The following CUL1 variants were observed in gnomAD, a reference collection of about 807,000 sequenced individuals.
CUL1 encodes the protein cullin-1.
In CUL1, 24 loss-of-function variants were observed where a neutral mutation model predicts 118.0. That is an observed-to-expected ratio of 0.20 (90% CI 0.15 to 0.29). CUL1 has a LOEUF of 0.29. Among genes scored for constraint, CUL1 ranks in the 10% least tolerant of loss-of-function variants. The pLI is 1.00. For missense variants in CUL1, 361 were observed against 933.8 expected (o/e 0.39, Z 7.99); for synonymous variants, 332 against 340.4 (o/e 0.98, Z 0.27).
chr7:148,763,344 A>T (rs544574500), intron 7 of CUL1, among the ~76,000 whole-genome samples: 2 of 152,126 alleles, frequency 1.3e-5, no homozygotes, highest in African/African-American at 4.8e-5. Context: ...ATCCACTTGG[A>T]TCACACCAAA....
chr7:148,798,561 TTTCTTG>T lies in CUL1; in HGVS notation c.2031-10_2031-5del, dbSNP rs1259468942. Reference sequence around the variant, plus strand: ...TATAATAGTGATCGGTTTCCTCATTTTTCTTGATAGTAAGAAATTAAGGGTTAACAT... The same window carrying T: ...TATAATAGTGATCGGTTTCCTCATTTATAGTAAGAAATTAAGGGTTAACAT... On this transcript the variant is annotated splice_polypyrimidine_tract_variant and splice_region_variant and intron_variant, in intron 19 of 21. Transcript: ENST00000325222. 6.2e-7 allele frequency: 1 copy of T among 1,602,622 alleles called. No individual in the cohort carries two copies. Among genetic ancestry groups the T allele is most frequent in the Non-Finnish European group, 8.5e-7 (1 of 1,169,648 alleles).
At chr7:148,725,219 G>GCGCGCGCGCACACACACACACACACA in intron 1 of CUL1, among the ~76,000 whole-genome samples, 5 of 140,058 alleles carry the variant, frequency 3.6e-5, no homozygotes, top group African/African-American at 1.1e-4. Context: ...ACACGCGCGC[G>GCGCGCGCGCACACACACACACACACA]CTCACACACA....
intron 16 of CUL1, among the ~76,000 whole-genome samples, chr7:148,791,541 C>T (rs1801008528): frequency 6.6e-6 from 1 of 152,154 alleles, no homozygotes; most frequent in Non-Finnish European, 1.5e-5. Flanking sequence ...TTTCAGTGTC[C>T]AGTTTTTGAC....
chr7:148,796,868 C>G (rs188451918), intron 17 of CUL1, among the ~76,000 whole-genome samples: 119 of 152,310 alleles, frequency 7.8e-4, no homozygotes, highest in African/African-American at 2.8e-3. Flanking sequence ...GCTGGCAGTT[C>G]TGGGTCAGTT....
intron 20 of CUL1, among the ~76,000 whole-genome samples, 175 bp from the exon 21 acceptor site, chr7:148,799,100 T>G (rs1801305027): frequency 6.6e-6 from 1 of 152,114 alleles, no homozygotes; most frequent in Admixed American, 6.5e-5. Flanking sequence ...AGTTGAAACA[T>G]AGGCAGGTAG....
chr7:148,719,651 C>T (rs1434857398), intron 1 of CUL1, among the ~76,000 whole-genome samples: 1 of 152,146 alleles, frequency 6.6e-6, no homozygotes, highest in African/African-American at 2.4e-5. Context: ...TAGAATAATA[C>T]AACATTCAAA....
intron 2 of CUL1, among the ~76,000 whole-genome samples, chr7:148,732,587 G>A (rs755033105): frequency 6.6e-6 from 1 of 151,682 alleles, no homozygotes; most frequent in African/African-American, 2.4e-5. Flanking sequence ...CATTCCGCCT[G>A]GCTTGGCCTT....
intron 3 of CUL1, 95 bp from the exon 4 acceptor site, chr7:148,756,888 A>C (rs1799677073): frequency 1.3e-6 from 1 of 747,940 alleles, no homozygotes; most frequent in Non-Finnish European, 2.0e-6. Flanking sequence ...CACATGTGTC[A>C]ATGTATTTTA....
chr7:148,778,070 C>CAAAAAAAAAAAAAAAAAAAAAAAAAAAAA (rs1203417069), intron 9 of CUL1, among the ~76,000 whole-genome samples: 3 of 13,796 alleles, frequency 2.2e-4, no homozygotes, highest in African/African-American at 4.5e-4. Context: ...GACCCTGTCT[C>CAAAAAAAAAAAAAAAAAAAAAAAAAAAAA]AAAAAAAAAA....
chr7:148,794,891 G>T (rs1367655453), intron 17 of CUL1, among the ~76,000 whole-genome samples: 1 of 152,202 alleles, frequency 6.6e-6, no homozygotes, highest in East Asian at 1.9e-4. Context: ...GAGTGCAGTG[G>T]TGCAATCTTG....
At chr7:148,737,486 G>A (rs1017199236) in intron 2 of CUL1, among the ~76,000 whole-genome samples, 8 of 151,516 alleles carry the variant, frequency 5.3e-5, no homozygotes, top group African/African-American at 1.5e-4. Flanking sequence ...ATGTGAGCCT[G>A]CTGTTCTGCC....
At chr7:148,725,217 G>GCGCGCA (rs1798530110) in intron 1 of CUL1, among the ~76,000 whole-genome samples, 2 of 75,582 alleles carry the variant, frequency 2.6e-5, no homozygotes, top group African/African-American at 8.5e-5. Flanking sequence ...ACACACGCGC[G>GCGCGCA]CGCTCACACA....
At chr7:148,718,816 A>G (rs1427079619) in intron 1 of CUL1, among the ~76,000 whole-genome samples, 4 of 152,194 alleles carry the variant, frequency 2.6e-5, no homozygotes, top group African/African-American at 4.8e-5. Flanking sequence ...CAGATGTTTA[A>G]TTATTAGCTT....
At position 148,701,248 on chromosome 7, in the gene CUL1, G is replaced by A. The variant is rs538335221; in HGVS notation, c.-162+2219G>A. ...CAGAAAACACAGTCGTTGTGCTTAA[G>A]CCGGTTAAGAATTCAAGCTTTATTA... On this transcript the variant is annotated intron_variant, in intron 1 of 21. Transcript: ENST00000325222. Among the ~76,000 whole-genome samples the A allele has an allele frequency of 2.0e-5, 3 of 152,180 alleles. No individual in the cohort carries two copies. In the South Asian group the frequency reaches 6.2e-4, roughly 32 times the overall value.
chr7:148,742,598 G>GTTTTTTTTTTTTTTTTTTTTTTTTTTT (rs59592789), intron 2 of CUL1, among the ~76,000 whole-genome samples: 1 of 112,162 alleles, frequency 8.9e-6, no homozygotes, highest in Admixed American at 1.0e-4. Flanking sequence ...ACCTTTTCTG[G>GTTTTTTTTTTTTTTTTTTTTTTTTTTT]TTTTTTTTTT....
chr7:148,706,562 G>A (rs1797891459), intron 1 of CUL1, among the ~76,000 whole-genome samples: 1 of 151,842 alleles, frequency 6.6e-6, no homozygotes, highest in South Asian at 2.1e-4. Context: ...CACACAAAGG[G>A]AAGAAGGGTT....
At chr7:148,792,956 C>T (rs1331213600) in intron 17 of CUL1, 138 bp downstream of exon 17, 1 of 596,180 alleles carries the variant, frequency 1.7e-6, no homozygotes, top group Non-Finnish European at 2.9e-6. Context: ...TGAATATGGC[C>T]TTATTCCAGG....
chr7:148,752,098 T>G (rs1424756312), intron 2 of CUL1, among the ~76,000 whole-genome samples: 1 of 151,764 alleles, frequency 6.6e-6, no homozygotes, highest in Non-Finnish European at 1.5e-5. Flanking sequence ...GCAACAAGAG[T>G]GAAACTCCAT....
chr7:148,798,666 C>T lies in CUL1; in HGVS notation c.2125C>T (p.Leu709=), dbSNP rs758403284. The T allele has an allele frequency of 1.2e-5, 20 of 1,613,738 alleles. No individual in the cohort carries two copies. In the Admixed American group the frequency reaches 1.7e-4, roughly 13 times the overall value. Residue 709 remains leucine (L), a synonymous_variant, in exon 20 of 22, where the codon CTA becomes TTA. Coordinates refer to ENST00000325222, the MANE Select transcript of CUL1 (RefSeq NM_003592.3). ...THKNIEEDRK[L]LIQAAIVRIM... ...CAAAAACATCGAGGAAGACCGCAAA[C>T]TACTGATTCAGGTGACTTATCTGTA...
Sources: gnomAD v4.1 joint callset for allele counts (sites outside exome capture counted in the v4.1 genomes callset) on GRCh38, gnomAD v4.1.1 for gene constraint, MANE v1.5 for transcripts, NCBI Gene and HGNC (gene_info 2026-07-23, HGNC 2026-07-21) for gene names.